SYNCRIP: variants seen among roughly 807,000 people sequenced by gnomAD.
SYNCRIP encodes the protein synaptotagmin binding cytoplasmic RNA interacting protein, also known as heterogeneous nuclear ribonucleoprotein Q.
In SYNCRIP, 9 loss-of-function variants were observed where a neutral mutation model predicts 68.9. The ratio of observed to expected loss-of-function variants is 0.13; its 90% CI spans 0.08 to 0.23. The LOEUF is 0.23. SYNCRIP is among the 10% of genes least tolerant of loss of function. The probability of loss-of-function intolerance (pLI) is 1.00; values close to 1 mark genes in which losing one functional copy is unlikely to be tolerated. For missense variants in SYNCRIP, 414 were observed against 770.6 expected (o/e 0.54, Z 5.48); for synonymous variants, 258 against 254.0 (o/e 1.02, Z -0.15).
Position 85,614,425 on chromosome 6 carries a change from C to T in SYNCRIP, c.*331G>A. The T allele has an allele frequency of 3.9e-6, 4 of 1,027,582 alleles. No homozygotes were observed. The highest frequency in any genetic ancestry group is 4.7e-6 in the Non-Finnish European group (4 of 858,248). 63.7% of individuals were successfully genotyped at this position (1,027,582 alleles called of 1,614,324 possible). ...GACACACTTGGTTTTAATCAACTAC[C>T]TTTGAAGACACCAAATCTAAACACT... On this transcript the variant is annotated 3_prime_UTR_variant, in exon 11 of 11. Transcript: ENST00000369622.
At chr6:85,631,095 T>C (rs371390719) in intron 6 of SYNCRIP, among the ~76,000 whole-genome samples, 1 of 151,932 alleles carries the variant, frequency 6.6e-6, no homozygotes, top group African/African-American at 2.4e-5. Context: ...GTAATCCCAG[T>C]ACTTTGGGAG....
chr6:85,620,102 C>T (rs778192652), intron 8 of SYNCRIP, among the ~76,000 whole-genome samples: 4 of 152,030 alleles, frequency 2.6e-5, no homozygotes, highest in Admixed American at 2.0e-4. Flanking sequence ...AAAGATTAGC[C>T]GGGTGCGATG....
chr6:85,642,553 G>A (rs941686671), intron 1 of SYNCRIP, among the ~76,000 whole-genome samples: 9 of 152,164 alleles, frequency 5.9e-5, no homozygotes, highest in Admixed American at 1.3e-4. Flanking sequence ...TGCGGGCCAC[G>A]GGACCGTGGA....
At chr6:85,625,769 C>T (rs887147571) in intron 6 of SYNCRIP, among the ~76,000 whole-genome samples, 1 of 152,158 alleles carries the variant, frequency 6.6e-6, no homozygotes, top group Non-Finnish European at 1.5e-5. Flanking sequence ...CTCTGGATAC[C>T]TGTAAATTAA....
intron 8 of SYNCRIP, among the ~76,000 whole-genome samples, chr6:85,621,616 A>G (rs1195223906): frequency 6.6e-6 from 1 of 151,872 alleles, no homozygotes; most frequent in East Asian, 1.9e-4. Context: ...TTAAAAAAAA[A>G]AAAAAAAAAA....
chr6:85,620,234 A>G (rs931741323), intron 8 of SYNCRIP, among the ~76,000 whole-genome samples: 2 of 152,250 alleles, frequency 1.3e-5, no homozygotes, highest in African/African-American at 4.8e-5. Flanking sequence ...TAACACAGCG[A>G]GACTCTGTCT....
At chr6:85,634,443 A>G (rs913837534) in intron 6 of SYNCRIP, among the ~76,000 whole-genome samples, 2 of 152,248 alleles carry the variant, frequency 1.3e-5, no homozygotes, top group African/African-American at 2.4e-5. Flanking sequence ...ACCACTAGCT[A>G]AATTCTGCAG....
chr6:85,641,372 T>A lies in SYNCRIP; in HGVS notation c.68A>T (p.His23Leu). The change falls in exon 2 of 11, where the codon CAT becomes CTT. Residue 23 changes from histidine (H) to leucine (L), a missense_variant. Around this residue, in one of 6 missense-constraint regions of SYNCRIP, gnomAD observed 51 missense variants for 63.7 expected, o/e 0.80. Transcript: ENST00000369622. ...AAGCAATGTCTGAAAATTTTCTGAA[T>A]GGATAACTGCAGAAGTAGTATCCAT... Reference protein sequence around the residue: ...EPMDTTSAVIHSENFQTLLDA... With the variant: ...EPMDTTSAVILSENFQTLLDA... 6.2e-7 allele frequency: 1 copy of A among 1,613,234 alleles called. No individual in the cohort carries two copies. Among genetic ancestry groups the A allele is most frequent in the Non-Finnish European group, 8.5e-7 (1 of 1,179,920 alleles).
At chr6:85,634,316 T>A (rs1019770579) in intron 6 of SYNCRIP, among the ~76,000 whole-genome samples, 2 of 151,996 alleles carry the variant, frequency 1.3e-5, no homozygotes, top group Non-Finnish European at 2.9e-5. Context: ...CTGGAAAACA[T>A]CTATAAATAA....
At chr6:85,619,591 G>A (rs1479018048) in intron 8 of SYNCRIP, among the ~76,000 whole-genome samples, 174 bp from the exon 9 acceptor site, 4 of 152,186 alleles carry the variant, frequency 2.6e-5, no homozygotes, top group East Asian at 3.9e-4. Context: ...AGAACTGCTG[G>A]ATCATGTTGA....
At chr6:85,624,618 T>C (rs1249875619) in intron 6 of SYNCRIP, among the ~76,000 whole-genome samples, 1 of 152,262 alleles carries the variant, frequency 6.6e-6, no homozygotes, top group East Asian at 1.9e-4. Flanking sequence ...CCATTTCATT[T>C]TCATTATGCA....
intron 1 of SYNCRIP, among the ~76,000 whole-genome samples, chr6:85,642,204 C>T (rs1012629209): frequency 2.6e-5 from 4 of 152,126 alleles, no homozygotes; most frequent in Non-Finnish European, 4.4e-5. Context: ...GCCACAGGCT[C>T]TCCCCGCCCC....
downstream of SYNCRIP, chr6:85,611,527 G>C (rs141099430): frequency 1.3e-5 from 2 of 152,486 alleles, no homozygotes; most frequent in East Asian, 1.9e-4. Context: ...TTGGGGAAGG[G>C]GGGAGGGGAT....
In SYNCRIP at chr6:85,625,504, C is replaced by CT. The variant is rs202017322; in HGVS notation, c.667-1393dup. On this transcript the variant is annotated intron_variant, in intron 6 of 10. Coordinates refer to ENST00000369622, the MANE Select transcript of SYNCRIP (RefSeq NM_006372.5). ...CTGGGTTCAAGCAATTCTCCTCCCTCTACCTCCCGAGTAGCTGTGATTACA... is the reference window on the plus strand; with the variant it reads ...CTGGGTTCAAGCAATTCTCCTCCCTCTTACCTCCCGAGTAGCTGTGATTACA... Among the ~76,000 whole-genome samples, 12 of 152,158 alleles carry CT rather than the reference C, an allele frequency of 7.9e-5. No homozygotes were observed. The East Asian group carries it at 2.3e-3, about 29-fold the overall frequency.
At chr6:85,631,658 C>T (rs1287035588) in intron 6 of SYNCRIP, among the ~76,000 whole-genome samples, 3 of 152,188 alleles carry the variant, frequency 2.0e-5, no homozygotes, top group Non-Finnish European at 4.4e-5. Context: ...GGACCTACTT[C>T]CTTAACTCTT....
intron 6 of SYNCRIP, among the ~76,000 whole-genome samples, chr6:85,628,279 C>T (rs1583284133): frequency 6.6e-6 from 1 of 152,312 alleles, no homozygotes; most frequent in East Asian, 1.9e-4. Context: ...TGGTCTCGAA[C>T]TCCTGGCCTC....
chr6:85,620,838 G>A (rs1806299981), intron 8 of SYNCRIP, among the ~76,000 whole-genome samples: 1 of 152,132 alleles, frequency 6.6e-6, no homozygotes, highest in Non-Finnish European at 1.5e-5. Context: ...GGCTACATCA[G>A]TAATAATTAC....
intron 6 of SYNCRIP, among the ~76,000 whole-genome samples, chr6:85,631,618 T>G (rs984748775): frequency 6.6e-6 from 1 of 152,222 alleles, no homozygotes. Flanking sequence ...ATAAAAAGTG[T>G]TAGATGCTAA....
At chr6:85,638,874 A>G (rs1337506209) in intron 4 of SYNCRIP, among the ~76,000 whole-genome samples, 1 of 152,298 alleles carries the variant, frequency 6.6e-6, no homozygotes, top group Middle Eastern at 3.4e-3. Context: ...AACTTCCTCT[A>G]AAAATGTCTC....
Sources: gnomAD v4.1 joint callset for allele counts (sites outside exome capture counted in the v4.1 genomes callset) on GRCh38, gnomAD v4.1.1 for gene constraint, gnomAD v4.1.1 regional missense constraint, MANE v1.5 for transcripts, NCBI Gene and HGNC (gene_info 2026-07-23, HGNC 2026-07-21) for gene names.